PLEKHM3: variants seen among roughly 807,000 people sequenced by gnomAD.
PLEKHM3 encodes the protein pleckstrin homology domain containing M3.
A neutral mutation model predicts 81.8 loss-of-function variants in PLEKHM3; 45 were observed. The observed-to-expected ratio is 0.55, with a 90% CI of 0.43 to 0.71. The LOEUF (loss-of-function observed/expected upper bound fraction) is 0.71. PLEKHM3 is among the 30% of genes least tolerant of loss of function. The pLI is 0.00. For synonymous variants in PLEKHM3, 352 were observed against 356.4 expected, an observed-to-expected ratio of 0.99 and a Z score of 0.14; for missense variants, 788 against 924.3, an observed-to-expected ratio of 0.85 and a Z score of 1.91.
chr2:207,880,781 A>C (rs1158726537), intron 6 of PLEKHM3, among the ~76,000 whole-genome samples: 1 of 138,840 alleles, frequency 7.2e-6, no homozygotes, highest in East Asian at 2.0e-4. Context: ...AAAAAAAAAA[A>C]AAAAAAACCA....
chr2:207,996,727 T>C (rs1254727966), intron 2 of PLEKHM3, among the ~76,000 whole-genome samples: 6 of 152,146 alleles, frequency 3.9e-5, no homozygotes, highest in Admixed American at 6.5e-5. Context: ...TATGAGAAAG[T>C]GTACCACAGG....
chr2:207,991,074 C>T (rs924354216), intron 2 of PLEKHM3, among the ~76,000 whole-genome samples: 1 of 152,160 alleles, frequency 6.6e-6, no homozygotes, highest in Non-Finnish European at 1.5e-5. Context: ...ATCACAGATC[C>T]AACTTTTTAA....
chr2:207,870,885 A>C (rs1415640551), intron 6 of PLEKHM3, among the ~76,000 whole-genome samples: 1 of 152,188 alleles, frequency 6.6e-6, no homozygotes, highest in Non-Finnish European at 1.5e-5. Context: ...AGGTGGGAGG[A>C]TCACTTGAGC....
intron 6 of PLEKHM3, among the ~76,000 whole-genome samples, chr2:207,882,612 C>CG (rs1553548579): frequency 7.0e-5 from 6 of 85,150 alleles, no homozygotes; most frequent in African/African-American, 9.8e-5. Context: ...AACTCCATCT[C>CG]AAAAAAAAAA....
rs1296865966 is a variant in PLEKHM3, at chr2:207,861,117, A to G, written c.2096T>C (p.Ile699Thr). 7 of 1,612,984 alleles carry G rather than the reference A, an allele frequency of 4.3e-6. No homozygotes were observed. The highest frequency in any genetic ancestry group is 2.7e-5 in the African/African-American group (2 of 74,878). The change falls in exon 7 of 8, where the codon ATT becomes ACT. Residue 699 changes from isoleucine to threonine, a missense_variant. Coordinates refer to ENST00000427836, the MANE Select transcript of PLEKHM3 (RefSeq NM_001080475.3). Reference protein sequence around the residue: ...NGEILYPFEDISTSRCESCGA... With the variant: ...NGEILYPFEDTSTSRCESCGA... Reference sequence around the variant, plus strand: ...AGATATTCTGTACCTGCTTGTTGAAATATCCTCAAAAGGGTAGAGGATCTC... The same window carrying G: ...AGATATTCTGTACCTGCTTGTTGAAGTATCCTCAAAAGGGTAGAGGATCTC...
intron 2 of PLEKHM3, among the ~76,000 whole-genome samples, chr2:207,993,267 A>G (rs1691957943): frequency 6.6e-6 from 1 of 152,198 alleles, no homozygotes; most frequent in East Asian, 1.9e-4. Flanking sequence ...CAATAATGTA[A>G]CCAATGGAAA....
At chr2:208,019,297 C>G (rs548451101) in intron 1 of PLEKHM3, among the ~76,000 whole-genome samples, 2 of 152,250 alleles carry the variant, frequency 1.3e-5, no homozygotes, top group South Asian at 4.1e-4. Context: ...CAGAACAAGA[C>G]CCTGTCTGAA....
At chr2:207,950,493 T>C (rs1690293126) in intron 3 of PLEKHM3, among the ~76,000 whole-genome samples, 1 of 152,176 alleles carries the variant, frequency 6.6e-6, no homozygotes, top group Admixed American at 6.5e-5. Flanking sequence ...GGACCCTTCT[T>C]CCCACTGAGA....
intron 6 of PLEKHM3, among the ~76,000 whole-genome samples, chr2:207,875,278 G>A (rs1225450234): frequency 6.6e-6 from 1 of 151,928 alleles, no homozygotes; most frequent in Non-Finnish European, 1.5e-5. Context: ...ACTACAAATG[G>A]CCAATAATGA....
In PLEKHM3 at chr2:207,977,462, G is replaced by C. The variant is rs191382851; in HGVS notation, c.735C>G (p.Leu245=). ...AAAGGTTTTGATTCCCACTGCTGTC[G>C]AGGCTGTAGAAGTATAAGTTGTAAG... ...LSPYNLYFYS[L]DSSGNQNLYA... The change falls in exon 3 of 8, where the codon CTC becomes CTG. Residue 245 remains leucine (L), a synonymous_variant. Transcript: ENST00000427836. 5.9e-5 allele frequency: 96 copies of C among 1,614,152 alleles called. No homozygotes were observed. The African/African-American group carries it at 1.0e-3, about 17-fold the overall frequency.
chr2:207,962,003 C>T (rs1424562546), intron 3 of PLEKHM3, among the ~76,000 whole-genome samples: 1 of 152,182 alleles, frequency 6.6e-6, no homozygotes, highest in Non-Finnish European at 1.5e-5. Context: ...GTCTTTGTCC[C>T]TGATCTCTGG....
intron 5 of PLEKHM3, among the ~76,000 whole-genome samples, chr2:207,910,226 G>A (rs1400321007): frequency 2.6e-5 from 4 of 152,188 alleles, no homozygotes; most frequent in Non-Finnish European, 5.9e-5. Context: ...GCTGGGCAGG[G>A]CATAGGAAAA....
At chr2:207,835,198 C>T (rs1473912438) in intron 7 of PLEKHM3, among the ~76,000 whole-genome samples, 1 of 152,118 alleles carries the variant, frequency 6.6e-6, no homozygotes, top group Admixed American at 6.6e-5. Flanking sequence ...CCGCCTTGGC[C>T]TCCCAAAGTG....
chr2:207,950,905 A>T (rs995489480), intron 3 of PLEKHM3, among the ~76,000 whole-genome samples: 2 of 152,250 alleles, frequency 1.3e-5, no homozygotes, highest in African/African-American at 4.8e-5. Context: ...AAAAGAATGA[A>T]AACGTTTAAC....
At chr2:207,946,655 G>C (rs749331519) in intron 3 of PLEKHM3, 143 bp from the exon 4 acceptor site, 26 of 1,117,280 alleles carry the variant, frequency 2.3e-5, no homozygotes, top group Non-Finnish European at 3.0e-5. Context: ...AGATAATAGA[G>C]TTGTACAGTT....
chr2:207,865,803 GATAT>G lies in PLEKHM3; in HGVS notation c.1951-4545_1951-4542del, dbSNP rs71036961. Reference sequence around the variant, plus strand: ...ACTCAAAAAAAAAAAAAAAAAAAAAGATATATATATATATATATATATATATATA... The same window carrying G: ...ACTCAAAAAAAAAAAAAAAAAAAAAGATATATATATATATATATATATATA... On this transcript the variant is annotated intron_variant, in intron 6 of 7. Coordinates refer to ENST00000427836, the MANE Select transcript of PLEKHM3 (RefSeq NM_001080475.3). 1.2e-3 allele frequency among the ~76,000 whole-genome samples: 36 copies of G among 29,408 alleles called. 2 individuals are homozygous for G. Among genetic ancestry groups the G allele is most frequent in the Non-Finnish European group, 1.8e-3 (31 of 16,772 alleles). 19.3% of individuals were successfully genotyped at this position (29,408 alleles called of 152,430 possible).
At chr2:208,010,595 C>T (rs1394076245) in intron 1 of PLEKHM3, among the ~76,000 whole-genome samples, 3 of 152,198 alleles carry the variant, frequency 2.0e-5, no homozygotes, top group Admixed American at 1.3e-4. Context: ...CAGCCTCCAA[C>T]TGCAACAGGA....
intron 4 of PLEKHM3, among the ~76,000 whole-genome samples, chr2:207,936,964 C>A (rs970485186): frequency 4.6e-5 from 7 of 151,808 alleles, no homozygotes; most frequent in Non-Finnish European, 1.0e-4. Context: ...TCTCTAAGCA[C>A]AGGGTATATA....
At chr2:208,024,470 T>C (rs570178211) in intron 1 of PLEKHM3, among the ~76,000 whole-genome samples, 194 of 152,334 alleles carry the variant, frequency 1.3e-3, no homozygotes, top group Non-Finnish European at 2.2e-3. Context: ...TAAAAGACTA[T>C]GTGACCAAGG....
Sources: gnomAD v4.1 joint callset for allele counts (sites outside exome capture counted in the v4.1 genomes callset) on GRCh38, gnomAD v4.1.1 for gene constraint, MANE v1.5 for transcripts, NCBI Gene and HGNC (gene_info 2026-07-23, HGNC 2026-07-21) for gene names.